The following XKR4 variants were observed in gnomAD, a reference collection of about 807,000 sequenced individuals.
The protein encoded by XKR4 is XK related 4.
A neutral mutation model predicts 53.9 loss-of-function variants in XKR4; 12 were observed. The ratio of observed to expected loss-of-function variants is 0.22; its 90% CI spans 0.14 to 0.36. XKR4 has a LOEUF of 0.36. XKR4 is among the 10% of genes least tolerant of loss of function. The probability of loss-of-function intolerance (pLI) is 1.00; values close to 1 mark genes in which losing one functional copy is unlikely to be tolerated. For synonymous variants in XKR4, 354 were observed against 362.4 expected (o/e 0.98, Z 0.26); for missense variants, 799 against 859.5 (o/e 0.93, Z 0.88).
chr8:55,312,221 A>G (rs1055437673), intron 1 of XKR4, among the ~76,000 whole-genome samples: 2 of 151,788 alleles, frequency 1.3e-5, no homozygotes, highest in African/African-American at 4.8e-5. Flanking sequence ...AGCACTTTCC[A>G]TCTGAAAATA....
At chr8:55,345,958 A>G (rs1028085520) in intron 1 of XKR4, among the ~76,000 whole-genome samples, 2 of 152,092 alleles carry the variant, frequency 1.3e-5, no homozygotes, top group African/African-American at 4.8e-5. Context: ...TTATATCCAG[A>G]GAAGATATCT....
At position 55,450,226 on chromosome 8, in the gene XKR4, G is replaced by T. The variant is rs933558008; in HGVS notation, c.1007-73055G>T. 15 of 638,134 alleles carry T rather than the reference G, an allele frequency of 2.4e-5. No homozygotes were observed. The African/African-American group carries it at 2.6e-4, about 11-fold the overall frequency. The allele number at this position is 638,134 out of a possible 1,614,324, so 39.5% of individuals were successfully genotyped here. A position where few individuals can be genotyped will look rare whatever the true frequency, so the allele number is the denominator to read the frequency against. ...CACCACACAGCACCTGCTCTGGGGA[G>T]CGCCTCCGTCAAACCGTTCTTCCTC... On this transcript the variant is annotated intron_variant, in intron 2 of 2. Coordinates refer to ENST00000327381, the MANE Select transcript of XKR4 (RefSeq NM_052898.2).
chr8:55,423,191 G>A (rs1288189143), intron 2 of XKR4, among the ~76,000 whole-genome samples: 1 of 151,996 alleles, frequency 6.6e-6, no homozygotes, highest in Non-Finnish European at 1.5e-5. Context: ...TACCTCCCAG[G>A]TTCAAGCGAT....
chr8:55,512,831 A>G (rs1806649839), intron 2 of XKR4, among the ~76,000 whole-genome samples: 1 of 152,032 alleles, frequency 6.6e-6, no homozygotes, highest in Non-Finnish European at 1.5e-5. Context: ...CTCCTTGAGA[A>G]ACTCTCCCAC....
intron 1 of XKR4, among the ~76,000 whole-genome samples, chr8:55,330,136 C>T (rs1803362469): frequency 6.6e-6 from 1 of 152,132 alleles, no homozygotes; most frequent in Non-Finnish European, 1.5e-5. Context: ...TCAGACATTA[C>T]TGGTGATTTT....
intron 1 of XKR4, among the ~76,000 whole-genome samples, chr8:55,108,389 G>A (rs1816184610): frequency 6.6e-6 from 1 of 152,104 alleles, no homozygotes; most frequent in African/African-American, 2.4e-5. Context: ...TTAAAACACT[G>A]TTTTATTCAA....
chr8:55,321,945 T>G (rs1173717775), intron 1 of XKR4, among the ~76,000 whole-genome samples: 1 of 152,146 alleles, frequency 6.6e-6, no homozygotes, highest in African/African-American at 2.4e-5. Flanking sequence ...GCCGAGATCA[T>G]GCCACTACAC....
chr8:55,114,278 G>A (rs1354075571), intron 1 of XKR4, among the ~76,000 whole-genome samples: 1 of 152,136 alleles, frequency 6.6e-6, no homozygotes, highest in African/African-American at 2.4e-5. Context: ...TCTAACTGGT[G>A]TAAGATGGTA....
At chr8:55,452,304 A>T (rs180917887) in intron 2 of XKR4, 6 of 645,834 alleles carry the variant, frequency 9.3e-6, no homozygotes, top group African/African-American at 1.8e-5. Flanking sequence ...CTCCTTGGTC[A>T]GCGCGGCCAC....
intron 1 of XKR4, among the ~76,000 whole-genome samples, chr8:55,113,719 G>GC (rs935480276): frequency 1.3e-5 from 2 of 152,036 alleles, no homozygotes; most frequent in African/African-American, 4.8e-5. Context: ...CATTCCTCGT[G>GC]CCCCTTCCAC....
At position 55,301,913 on chromosome 8, in the gene XKR4, A is replaced by C. The variant is rs186114223; in HGVS notation, c.807-55765A>C. ...GATATTAGCCCTTTGTCAGATAAGC[A>C]GTTTGCAAAAATTTTCTCCCATTTT... On this transcript the variant is annotated intron_variant, in intron 1 of 2. Coordinates refer to ENST00000327381, the MANE Select transcript of XKR4 (RefSeq NM_052898.2). Among the ~76,000 whole-genome samples the C allele has an allele frequency of 3.3e-5, 5 of 152,286 alleles. No individual in the cohort carries two copies. The East Asian group carries it at 9.6e-4, about 29-fold the overall frequency.
intron 1 of XKR4, among the ~76,000 whole-genome samples, chr8:55,351,555 G>C (rs1290881457): frequency 6.6e-6 from 1 of 152,186 alleles, no homozygotes; most frequent in East Asian, 1.9e-4. Context: ...AGGCATTTGT[G>C]GGAGTTCTAC....
At chr8:55,504,379 A>AT (rs61549013) in intron 2 of XKR4, among the ~76,000 whole-genome samples, 8,600 of 141,036 alleles carry the variant, frequency 0.061, 612 homozygotes, top group East Asian at 0.27. Flanking sequence ...CACCTGGCTA[A>AT]TTTTTTTTTT....
Position 55,428,470 on chromosome 8 carries a change from T to C in XKR4, c.1006+70593T>C, listed in dbSNP as rs183927198. 3.1e-3 allele frequency among the ~76,000 whole-genome samples: 471 copies of C among 152,264 alleles called. 1 individual carries two copies. The highest frequency in any genetic ancestry group is 4.9e-3 in the Non-Finnish European group (335 of 68,022). On this transcript the variant is annotated intron_variant, in intron 2 of 2. Transcript: ENST00000327381. ...TCCAGCCAAACACCACAGAAAACAC[T>C]TCCCACCCTCATTTACACCGCCAAG...
intron 1 of XKR4, among the ~76,000 whole-genome samples, chr8:55,201,764 C>T (rs1817579022): frequency 6.6e-6 from 1 of 152,116 alleles, no homozygotes; most frequent in African/African-American, 2.4e-5. Flanking sequence ...TTCTGATGGC[C>T]CTGGATAAGT....
chr8:55,396,399 G>GTTTTTTTTTTTTTTTT lies in XKR4; in HGVS notation c.1006+38526_1006+38541dup, dbSNP rs71256534. Among the ~76,000 whole-genome samples the GTTTTTTTTTTTTTTTT allele has an allele frequency of 3.4e-4, 30 of 88,744 alleles. 2 individuals carry two copies. In the East Asian group the frequency reaches 4.8e-3, roughly 14 times the overall value. 58.2% of individuals were successfully genotyped at this position (88,744 alleles called of 152,430 possible). ...TTTTTTTGTGTTTTTTTTTTGTTTG[G>GTTTTTTTTTTTTTTTT]TTTTTTTTTTTTTTTTTTTGCAGAG... On this transcript the variant is annotated intron_variant, in intron 2 of 2. Transcript: ENST00000327381.
In XKR4 at chr8:55,530,864, T is replaced by C. The variant is rs1030216218; in HGVS notation, c.*6637T>C. On this transcript the variant is annotated 3_prime_UTR_variant, in exon 3 of 3. Transcript: ENST00000327381. ...GATCAGGATTACACAATACACTTTT[T>C]TTTTTCCCTGAGTCATTTATTCAAC... The C allele has an allele frequency of 6.7e-6, 1 of 150,364 alleles. No individual in the cohort carries two copies. Among genetic ancestry groups the C allele is most frequent in the African/African-American group, 2.5e-5 (1 of 39,704 alleles). 9.3% of individuals were successfully genotyped at this position (150,364 alleles called of 1,614,324 possible).
intron 1 of XKR4, among the ~76,000 whole-genome samples, chr8:55,113,883 G>C (rs1284000953): frequency 6.6e-6 from 1 of 152,042 alleles, no homozygotes; most frequent in Admixed American, 6.5e-5. Flanking sequence ...GTTCCATCCA[G>C]TTGCTGCAAA....
At chr8:55,316,161 C>T (rs555459037) in intron 1 of XKR4, among the ~76,000 whole-genome samples, 2 of 152,192 alleles carry the variant, frequency 1.3e-5, no homozygotes, top group African/African-American at 2.4e-5. Flanking sequence ...ACAGTGACAG[C>T]TCACGCTAAT....
Sources: gnomAD v4.1 joint callset for allele counts (sites outside exome capture counted in the v4.1 genomes callset) on GRCh38, gnomAD v4.1.1 for gene constraint, MANE v1.5 for transcripts, NCBI Gene and HGNC (gene_info 2026-07-23, HGNC 2026-07-21) for gene names.